Variants in FSD1L observed in about 807,000 individuals in gnomAD.
The protein encoded by FSD1L is fibronectin type III and SPRY domain containing 1 like.
FSD1L carries 45 observed loss-of-function variants against 71.6 expected under a neutral mutation model. The ratio of observed to expected loss-of-function variants is 0.63; its 90% confidence interval spans 0.49 to 0.81. The LOEUF is 0.81. FSD1L is among the 30% of genes least tolerant of loss of function. The pLI, the probability that FSD1L is intolerant of heterozygous loss-of-function variation, is 0.00. For missense variants in FSD1L, 561 were observed against 618.1 expected, an observed-to-expected ratio of 0.91 and a Z score of 0.98; for synonymous variants, 197 against 207.2, an observed-to-expected ratio of 0.95 and a Z score of 0.42.
intron 10 of FSD1L, among the ~76,000 whole-genome samples, chr9:105,517,020 G>A (rs1007085665): frequency 8.5e-5 from 13 of 152,122 alleles, no homozygotes; most frequent in African/African-American, 3.1e-4. Context: ...CGAGAACTTC[G>A]TGAAGCAAAC....
chr9:105,488,420 A>G (rs183259533), intron 7 of FSD1L, among the ~76,000 whole-genome samples: 53 of 152,316 alleles, frequency 3.5e-4, no homozygotes, highest in African/African-American at 1.2e-3. Flanking sequence ...TTATTCATTT[A>G]TACACTGAAA....
intron 7 of FSD1L, among the ~76,000 whole-genome samples, chr9:105,497,536 T>G (rs552909439): frequency 6.6e-6 from 1 of 152,350 alleles, no homozygotes; most frequent in Admixed American, 6.5e-5. Flanking sequence ...GATTCAATTT[T>G]TAAAATAGAT....
chr9:105,454,760 A>G lies in FSD1L; in HGVS notation c.15+6525A>G, dbSNP rs1010198728. Among the ~76,000 whole-genome samples, 7 of 152,126 alleles carry G rather than the reference A, an allele frequency of 4.6e-5. No homozygotes were observed. The South Asian group carries it at 1.2e-3, about 27-fold the overall frequency. ...GGAGATTACCTCCTCATATGCTGTG[A>G]TATCTTAAACTGGGTTCAGGGCAGA... On this transcript the variant is annotated intron_variant, in intron 1 of 13. Coordinates refer to ENST00000481272, the MANE Select transcript of FSD1L (RefSeq NM_001145313.3).
chr9:105,477,191 A>G (rs1234363677), intron 5 of FSD1L, among the ~76,000 whole-genome samples: 4 of 152,198 alleles, frequency 2.6e-5, no homozygotes, highest in African/African-American at 4.8e-5. Context: ...AGTTTAAAAA[A>G]CGGTAATCGT....
intron 12 of FSD1L, among the ~76,000 whole-genome samples, chr9:105,538,238 T>C (rs2131507309): frequency 6.6e-6 from 1 of 152,360 alleles, no homozygotes; most frequent in South Asian, 2.1e-4. Flanking sequence ...TTACTAACTT[T>C]GTGATCATAT....
intron 5 of FSD1L, among the ~76,000 whole-genome samples, chr9:105,474,902 T>A (rs1450943036): frequency 2.0e-5 from 3 of 152,222 alleles, no homozygotes; most frequent in Non-Finnish European, 4.4e-5. Flanking sequence ...ATAGCACAAA[T>A]GCAAAAAGAT....
intron 7 of FSD1L, among the ~76,000 whole-genome samples, chr9:105,502,178 C>A (rs1425852474): frequency 2.0e-5 from 3 of 152,042 alleles, no homozygotes; most frequent in Admixed American, 2.0e-4. Context: ...GCTGTGCAAT[C>A]TTGAGCAAGT....
At chr9:105,525,671 A>G (rs1835462635) in intron 10 of FSD1L, 1 of 1,609,576 alleles carries the variant, frequency 6.2e-7, no homozygotes, top group Non-Finnish European at 8.5e-7. Context: ...CGAGAGACAC[A>G]CAAGATTGCA....
At position 105,551,352 on chromosome 9, in the gene FSD1L, G is replaced by T. The variant is rs552485490; in HGVS notation, c.*4869G>T. On this transcript the variant is annotated 3_prime_UTR_variant, in exon 14 of 14. Coordinates refer to ENST00000481272, the MANE Select transcript of FSD1L (RefSeq NM_001145313.3). ...ATCACCTTAGCTCTACCATATACTA[G>T]ATCTGTGACCGCTACACAAATTGTT... 1 of 151,812 alleles carries T rather than the reference G, an allele frequency of 6.6e-6. No individual in the cohort carries two copies. The allele number at this position is 151,812 out of a possible 1,614,324, so 9.4% of individuals were successfully genotyped here. A position where few individuals can be genotyped will look rare whatever the true frequency, so the allele number is the denominator to read the frequency against.
rs773300554 is a variant in FSD1L at position 105,539,267 on chromosome 9, A to T, written c.1383A>T (p.Gln461His). 5.6e-6 allele frequency: 8 copies of T among 1,437,360 alleles called. No individual in the cohort carries two copies. The South Asian group carries it at 1.1e-4, about 19-fold the overall frequency. 89.0% of individuals were successfully genotyped at this position (1,437,360 alleles called of 1,614,324 possible). The change falls in exon 13 of 14, where the codon CAA (glutamine) becomes CAT (histidine). Residue 461 changes from glutamine (Q) to histidine (H), a missense_variant. Transcript: ENST00000481272. The part of the protein sequence containing the change: ...IGVFCDFDGG[Q>H]LSFYDANSKQ... ...CTTTTTTTCCTTCTTTTTTAGGTCA[A>T]CTTTCATTCTATGATGCAAATTCTA...
At chr9:105,452,725 T>A (rs1830116413) in intron 1 of FSD1L, among the ~76,000 whole-genome samples, 1 of 150,588 alleles carries the variant, frequency 6.6e-6, no homozygotes. Flanking sequence ...CTTCTTTCCT[T>A]CTTTCCTCCT....
At chr9:105,512,732 TGTG>T (rs142680826) in intron 9 of FSD1L, 72 bp from the exon 10 acceptor site, 11,827 of 772,676 alleles carry the variant, frequency 0.015, 247 homozygotes, top group African/African-American at 0.088. Flanking sequence ...AGGAAAATAA[TGTG>T]GTGATAGCTG....
intron 10 of FSD1L, among the ~76,000 whole-genome samples, chr9:105,527,841 G>T (rs539478002): frequency 1.1e-3 from 162 of 152,288 alleles, no homozygotes; most frequent in Non-Finnish European, 1.8e-3. Flanking sequence ...AATAGGAAGA[G>T]AGGAAGTCAA....
chr9:105,470,544 G>A (rs1831385106), intron 4 of FSD1L, among the ~76,000 whole-genome samples: 1 of 151,036 alleles, frequency 6.6e-6, no homozygotes, highest in African/African-American at 2.4e-5. Context: ...TTTCCTTCTT[G>A]GATTGTTCAT....
At chr9:105,536,965 G>A (rs898431237) in intron 12 of FSD1L, among the ~76,000 whole-genome samples, 1 of 152,058 alleles carries the variant, frequency 6.6e-6, no homozygotes, top group African/African-American at 2.4e-5. Context: ...ATAACTCAAT[G>A]TTATATGTAA....
chr9:105,456,810 A>G (rs2771038), intron 1 of FSD1L, among the ~76,000 whole-genome samples: 104,877 of 152,186 alleles, frequency 0.69, 36,443 homozygotes, highest in African/African-American at 0.77. Flanking sequence ...ATTTGTCAAA[A>G]CATGTCTTCA....
upstream of FSD1L, chr9:105,447,977 T>C (rs533973688): frequency 3.1e-4 from 168 of 544,144 alleles, no homozygotes; most frequent in Middle Eastern, 4.3e-3. Flanking sequence ...CCGGGAGCAG[T>C]CAGCCGCTGC....
intron 10 of FSD1L, chr9:105,526,062 T>A: frequency 1.3e-6 from 2 of 1,509,416 alleles, no homozygotes; most frequent in Admixed American, 3.3e-5. Context: ...CAATGAAAAA[T>A]CACATGTTCA....
At chr9:105,458,958 G>T (rs140928737) in intron 1 of FSD1L, among the ~76,000 whole-genome samples, 10 of 152,002 alleles carry the variant, frequency 6.6e-5, no homozygotes, top group Non-Finnish European at 1.0e-4. Context: ...GGATAGACTG[G>T]GGTAGAAAAC....
Sources: gnomAD v4.1 joint callset for allele counts (sites outside exome capture counted in the v4.1 genomes callset) on GRCh38, gnomAD v4.1.1 for gene constraint, MANE v1.5 for transcripts, NCBI Gene and HGNC (gene_info 2026-07-23, HGNC 2026-07-21) for gene names.